The following DACH2 variants were observed in gnomAD, a reference collection of about 807,000 sequenced individuals.
The protein encoded by DACH2 is dachshund family transcription factor 2, also known as dachshund homolog 2.
In DACH2, 17 loss-of-function variants were observed where a neutral mutation model predicts 35.8. The ratio of observed to expected loss-of-function variants is 0.48; its 90% CI spans 0.33 to 0.71. DACH2 has a LOEUF of 0.71. Among genes scored for constraint, DACH2 ranks in the 30% least tolerant of loss-of-function variants. The pLI is 0.02. For missense variants in DACH2, 469 were observed against 472.7 expected, an observed-to-expected ratio of 0.99 and a Z score of 0.07; for synonymous variants, 195 against 177.3, an observed-to-expected ratio of 1.10 and a Z score of -0.79.
chrX:86,539,062 C>G (rs181332142), intron 3 of DACH2, among the ~76,000 whole-genome samples: 74 of 111,241 alleles, frequency 6.7e-4, no homozygotes, highest in African/African-American at 2.3e-3. Context: ...TTGTTTGGCT[C>G]TGTGTCCCCA....
At chrX:86,286,228 C>T (rs943425362) in intron 1 of DACH2, among the ~76,000 whole-genome samples, 12 of 93,191 alleles carry the variant, frequency 1.3e-4, no homozygotes, top group East Asian at 3.7e-4. Context: ...CCCGGGTTCA[C>T]GCCATTCTCC....
chrX:86,546,405 CT>C (rs1214182263), intron 3 of DACH2, among the ~76,000 whole-genome samples: 4 of 11,542 alleles, frequency 3.5e-4, no homozygotes, highest in Non-Finnish European at 6.1e-4. Flanking sequence ...CTTCTTCTTC[CT>C]TCTTCTTCTT....
chrX:86,762,126 C>T (rs2041889707), intron 7 of DACH2, among the ~76,000 whole-genome samples: 1 of 111,187 alleles, frequency 9.0e-6, no homozygotes, highest in South Asian at 3.8e-4. Context: ...TGTTTGGACT[C>T]ATACTTGTTA....
At chrX:86,696,154 G>C (rs189596932) in intron 5 of DACH2, among the ~76,000 whole-genome samples, 21 of 111,125 alleles carry the variant, frequency 1.9e-4, no homozygotes, top group Non-Finnish European at 9.4e-5. Context: ...CTTACAAATG[G>C]ATAATCCAGG....
chrX:86,323,211 C>G (rs939257673), intron 1 of DACH2, among the ~76,000 whole-genome samples: 1 of 112,322 alleles, frequency 8.9e-6, no homozygotes, highest in Non-Finnish European at 1.9e-5. Context: ...CACAGCATAC[C>G]TCCTAGCAGG....
chrX:86,225,901 A>G (rs1238807842), intron 1 of DACH2, among the ~76,000 whole-genome samples: 1 of 111,633 alleles, frequency 9.0e-6, no homozygotes, highest in African/African-American at 3.2e-5. Context: ...TGAAGGCTAT[A>G]AATTCAGAGC....
At chrX:86,217,620 A>G (rs893228654) in intron 1 of DACH2, among the ~76,000 whole-genome samples, 7 of 111,816 alleles carry the variant, frequency 6.3e-5, no homozygotes, top group Admixed American at 4.8e-4. Flanking sequence ...AGTTAAGTCA[A>G]TAATCGAATC....
chrX:86,526,462 T>C (rs1262041082), intron 3 of DACH2, among the ~76,000 whole-genome samples: 1 of 111,680 alleles, frequency 9.0e-6, no homozygotes, highest in African/African-American at 3.3e-5. Context: ...TCTTGTGACT[T>C]GTTTGCTCCC....
intron 3 of DACH2, among the ~76,000 whole-genome samples, chrX:86,570,989 T>C (rs898054238): frequency 4.5e-5 from 5 of 111,546 alleles, no homozygotes; most frequent in African/African-American, 1.6e-4. Context: ...TTTGTGATTT[T>C]GTTTTGTATA....
Position 86,149,055 on chromosome X carries a change from A to G in DACH2, c.435A>G (p.Lys145=). Reference sequence around the variant, plus strand: ...TCCAGCCCGGGGTAAACCGCTGCAAACTCATCACCAGGAAAGACTTCGAAA... The same window carrying G: ...TCCAGCCCGGGGTAAACCGCTGCAAGCTCATCACCAGGAAAGACTTCGAAA... ...GAIQPGVNRC[K]LITRKDFETL... The change falls in exon 1 of 12, where the codon AAA becomes AAG. Residue 145 remains lysine (K), a synonymous_variant. Transcript: ENST00000373125. 8.4e-7 allele frequency: 1 copy of G among 1,197,435 alleles called. No individual in the cohort carries two copies. Among genetic ancestry groups the G allele is most frequent in the Non-Finnish European group, 1.1e-6 (1 of 887,947 alleles).
chrX:86,308,432 T>C (rs1173485801), intron 1 of DACH2, among the ~76,000 whole-genome samples: 1 of 111,857 alleles, frequency 8.9e-6, no homozygotes, highest in Non-Finnish European at 1.9e-5. Flanking sequence ...GGCTAATTAA[T>C]CACAGTATTC....
At chrX:86,443,517 T>G (rs2037206411) in intron 2 of DACH2, among the ~76,000 whole-genome samples, 1 of 110,474 alleles carries the variant, frequency 9.1e-6, no homozygotes, top group Non-Finnish European at 1.9e-5. Context: ...TTTTTTTTTT[T>G]TTCTGGTCTA....
intron 1 of DACH2, among the ~76,000 whole-genome samples, chrX:86,300,031 G>C (rs1006855269): frequency 1.3e-4 from 15 of 111,366 alleles, no homozygotes; most frequent in African/African-American, 4.9e-4. Context: ...GCATTTCTAT[G>C]TGTTGGGAAC....
intron 2 of DACH2, among the ~76,000 whole-genome samples, chrX:86,505,939 T>C (rs1384651098): frequency 1.8e-5 from 2 of 112,142 alleles, no homozygotes; most frequent in East Asian, 5.6e-4. Flanking sequence ...AATCCTAATG[T>C]GGTAAAAAAC....
At chrX:86,275,110 A>G (rs1434188063) in intron 1 of DACH2, among the ~76,000 whole-genome samples, 3 of 111,976 alleles carry the variant, frequency 2.7e-5, no homozygotes, top group Non-Finnish European at 5.6e-5. Flanking sequence ...TAAATGAACT[A>G]AATAGGCAGA....
chrX:86,400,192 A>G (rs1435661523), intron 2 of DACH2, among the ~76,000 whole-genome samples: 2 of 111,608 alleles, frequency 1.8e-5, no homozygotes, highest in Non-Finnish European at 3.8e-5. Flanking sequence ...AGGCTTGTGC[A>G]TTCATCACGT....
chrX:86,662,974 C>A (rs923681986), intron 4 of DACH2, among the ~76,000 whole-genome samples: 9 of 110,452 alleles, frequency 8.1e-5, no homozygotes, highest in East Asian at 2.8e-4. Context: ...AATGATTACA[C>A]GTAGGATAAA....
intron 11 of DACH2, among the ~76,000 whole-genome samples, chrX:86,823,407 G>A (rs1234881588): frequency 9.0e-6 from 1 of 111,443 alleles, no homozygotes; most frequent in Non-Finnish European, 1.9e-5. Context: ...CTCCTTTAAG[G>A]CCCCTAACCT....
intron 1 of DACH2, among the ~76,000 whole-genome samples, chrX:86,283,720 C>G (rs1343252072): frequency 2.8e-5 from 2 of 71,892 alleles, no homozygotes; most frequent in Non-Finnish European, 5.1e-5. Context: ...ACACTGGGGC[C>G]TGTTGGGGGT....
Sources: gnomAD v4.1 joint callset for allele counts (sites outside exome capture counted in the v4.1 genomes callset) on GRCh38, gnomAD v4.1.1 for gene constraint, MANE v1.5 for transcripts, NCBI Gene and HGNC (gene_info 2026-07-23, HGNC 2026-07-21) for gene names.